Variants in EXD2 observed in about 807,000 individuals in gnomAD.
EXD2 encodes the protein exonuclease 3'-5' domain containing 2.
EXD2 carries 40 observed loss-of-function variants against 62.5 expected under a neutral mutation model. The ratio of observed to expected loss-of-function variants is 0.64; its 90% confidence interval spans 0.50 to 0.83. The LOEUF is 0.83. Among genes scored for constraint, EXD2 ranks in the 40% least tolerant of loss-of-function variants. EXD2 has a pLI of 0.00. For missense variants in EXD2, 671 were observed against 761.8 expected (o/e 0.88, Z 1.40); for synonymous variants, 239 against 291.9 (o/e 0.82, Z 1.85).
rs2043727359 is a variant in EXD2, at chr14:69,235,038, G to C, written c.1049+7G>C. ...GGGTGGGCTATTCTGCCAGGTAACT[G>C]AATCACTCCCTGTCTAGTAAAGAGT... On this transcript the variant is annotated splice_region_variant and intron_variant, in intron 6 of 9. Coordinates refer to ENST00000685843, the MANE Select transcript of EXD2 (RefSeq NM_001193360.2). 5.7e-6 allele frequency: 9 copies of C among 1,575,604 alleles called. No homozygotes were observed. Among genetic ancestry groups the C allele is most frequent in the Non-Finnish European group, 6.9e-6 (8 of 1,164,560 alleles).
chr14:69,232,306 G>A (rs183537204), intron 5 of EXD2, among the ~76,000 whole-genome samples: 3 of 152,154 alleles, frequency 2.0e-5, no homozygotes, highest in Non-Finnish European at 2.9e-5. Context: ...TTCTGTTTCC[G>A]CCCTTGCCTT....
chr14:69,218,392 A>G (rs2043056005), intron 3 of EXD2, among the ~76,000 whole-genome samples: 1 of 151,726 alleles, frequency 6.6e-6, no homozygotes. Context: ...TTTTTCTTGT[A>G]AATTTGTTTG....
In EXD2 at chr14:69,235,007, C is replaced by T. The variant is rs1339379681; in HGVS notation, c.1025C>T (p.Pro342Leu). ...GACCCCAGAAAACATAAAAGAAAGC[C>T]TCTGGGGGTGGGCTATTCTGCCAGG... ...GRDPRKHKRKPLGVGYSARKS... is the reference protein window; with the variant it reads ...GRDPRKHKRKLLGVGYSARKS... Residue 342 changes from proline (P) to leucine (L), a missense_variant, in exon 6 of 10, where the codon CCT (proline) becomes CTT (leucine). By Grantham distance (98) the Pro-to-Leu change is moderately conservative. Coordinates refer to ENST00000685843, the MANE Select transcript of EXD2 (RefSeq NM_001193360.2). 2.5e-6 allele frequency: 4 copies of T among 1,600,784 alleles called. No homozygotes were observed. In the Admixed American group the frequency reaches 5.3e-5, roughly 21 times the overall value.
intron 3 of EXD2, among the ~76,000 whole-genome samples, chr14:69,213,592 G>T (rs1450618571): frequency 7.4e-6 from 1 of 135,346 alleles, no homozygotes; most frequent in African/African-American, 2.8e-5. Flanking sequence ...GCCCTGGCTG[G>T]TCTTCAACTC....
intron 3 of EXD2, among the ~76,000 whole-genome samples, chr14:69,226,954 TC>T (rs2043385690): frequency 6.6e-6 from 1 of 152,132 alleles, no homozygotes; most frequent in Non-Finnish European, 1.5e-5. Context: ...TTTATGTGTA[TC>T]CCTCCTACTC....
At chr14:69,236,577 G>T in intron 8 of EXD2, 35 bp downstream of exon 8, 1 of 1,613,568 alleles carries the variant, frequency 6.2e-7, no homozygotes, top group South Asian at 1.1e-5. Flanking sequence ...GGTTGTCTGT[G>T]GCAGATGGAA....
At chr14:69,223,018 A>G (rs1429079557) in intron 3 of EXD2, among the ~76,000 whole-genome samples, 1 of 152,334 alleles carries the variant, frequency 6.6e-6, no homozygotes, top group Middle Eastern at 3.4e-3. Context: ...AGAAACTTGG[A>G]GTATGGATTC....
chr14:69,204,794 G>C (rs1230898101), intron 2 of EXD2, among the ~76,000 whole-genome samples: 2 of 152,112 alleles, frequency 1.3e-5, no homozygotes, highest in Non-Finnish European at 2.9e-5. Context: ...GTTGTAATCT[G>C]GTGATTGAAT....
Position 69,209,811 on chromosome 14 carries a change from A to G in EXD2, c.333+8A>G. 7.0e-7 allele frequency: 1 copy of G among 1,429,746 alleles called. No individual in the cohort carries two copies. The highest frequency in any genetic ancestry group is 3.1e-5 in the Admixed American group (1 of 32,490). The allele number at this position is 1,429,746 out of a possible 1,614,324, so 88.6% of individuals were successfully genotyped here. A position where few individuals can be genotyped will look rare whatever the true frequency, so the allele number is the denominator to read the frequency against. The stretch of plus-strand genomic sequence containing the variant: ...GGAATTGACTGTGAGTGGGTAAGTT[A>G]AAAAGCAAAAGTTAAAAAAAAAAAA... On this transcript the variant is annotated splice_region_variant and intron_variant, in intron 3 of 9. Coordinates refer to ENST00000685843, the MANE Select transcript of EXD2 (RefSeq NM_001193360.2).
chr14:69,243,037 C>A lies in EXD2; in HGVS notation c.*1937C>A, dbSNP rs1429880300. 1 of 152,088 alleles carries A rather than the reference C, an allele frequency of 6.6e-6. No individual in the cohort carries two copies. Among genetic ancestry groups the A allele is most frequent in the African/African-American group, 2.4e-5 (1 of 41,410 alleles). The allele number at this position is 152,088 out of a possible 1,614,324, so 9.4% of individuals were successfully genotyped here. ...CTAGGGAAAGGGTTTTCCCATGGAG[C>A]TTTCTGTGAGGCGCAGTAAAATAGA... On this transcript the variant is annotated 3_prime_UTR_variant, in exon 10 of 10. Coordinates refer to ENST00000685843, the MANE Select transcript of EXD2 (RefSeq NM_001193360.2).
intron 8 of EXD2, 105 bp from the exon 9 acceptor site, chr14:69,237,470 A>G: frequency 1.0e-6 from 1 of 985,254 alleles, no homozygotes; most frequent in Non-Finnish European, 1.6e-6. Context: ...AAGGCTTCTC[A>G]GTCATGGTTA....
At chr14:69,222,835 A>G (rs1334784588) in intron 3 of EXD2, among the ~76,000 whole-genome samples, 1 of 152,178 alleles carries the variant, frequency 6.6e-6, no homozygotes. Context: ...ATCCTGAGAA[A>G]TATTTCTTTG....
chr14:69,240,336 G>A (rs1007650364), intron 9 of EXD2, among the ~76,000 whole-genome samples: 3 of 152,168 alleles, frequency 2.0e-5, no homozygotes, highest in African/African-American at 7.2e-5. Flanking sequence ...GAGCAACCAT[G>A]GAAGCATTTC....
chr14:69,204,547 A>G (rs117392514), intron 2 of EXD2, among the ~76,000 whole-genome samples: 4,008 of 152,064 alleles, frequency 0.026, 52 homozygotes, highest in Non-Finnish European at 0.032. Flanking sequence ...ACAGAGTGAA[A>G]CTCTGTCTTA....
At chr14:69,201,560 G>C (rs2042397857) in intron 1 of EXD2, among the ~76,000 whole-genome samples, 1 of 151,266 alleles carries the variant, frequency 6.6e-6, no homozygotes, top group Non-Finnish European at 1.5e-5. Context: ...TGCACAAGCT[G>C]TTCCCTCCAC....
intron 8 of EXD2, 27 bp downstream of exon 8, chr14:69,236,569 T>C: frequency 6.2e-7 from 1 of 1,613,790 alleles, no homozygotes; most frequent in East Asian, 2.2e-5. Flanking sequence ...GCCACCCTGG[T>C]TGTCTGTGGC....
intron 3 of EXD2, among the ~76,000 whole-genome samples, chr14:69,220,277 T>G (rs2043135179): frequency 9.2e-6 from 1 of 109,170 alleles, no homozygotes; most frequent in Non-Finnish European, 1.9e-5. Context: ...TTTTTTTTTT[T>G]TTTTTTTTTT....
intron 1 of EXD2, among the ~76,000 whole-genome samples, chr14:69,198,085 C>G (rs2042267231): frequency 6.6e-6 from 1 of 152,154 alleles, no homozygotes; most frequent in Non-Finnish European, 1.5e-5. Flanking sequence ...TTGTTGAATT[C>G]TTTCCTAGAC....
intron 3 of EXD2, among the ~76,000 whole-genome samples, chr14:69,212,092 T>TA (rs1485859321): frequency 3.9e-5 from 6 of 152,050 alleles, no homozygotes; most frequent in Non-Finnish European, 8.8e-5. Flanking sequence ...AAAACAAAAA[T>TA]AGGCTGGGCG....
Sources: allele counts gnomAD v4.1 joint callset (sites outside exome capture counted in the v4.1 genomes callset), GRCh38; gene constraint gnomAD v4.1.1; transcripts MANE v1.5; gene names NCBI Gene and HGNC (gene_info 2026-07-23, HGNC 2026-07-21).